GNAS: variants seen among roughly 807,000 people sequenced by gnomAD.
GNAS encodes the protein GNAS complex locus, also known as protein ALEX.
GNAS carries 8 observed loss-of-function variants against 54.5 expected under a neutral mutation model. The observed-to-expected ratio is 0.15, with a 90% confidence interval of 0.09 to 0.26. The LOEUF (loss-of-function observed/expected upper bound fraction) is 0.26, where lower values mean the gene tolerates loss of function less well. Ranked by LOEUF, GNAS falls within the 10% of genes least tolerant of loss-of-function variation. The pLI is 1.00. For synonymous variants in GNAS, 204 were observed against 191.4 expected, an observed-to-expected ratio of 1.07 and a Z score of -0.54; for missense variants, 170 against 529.8, an observed-to-expected ratio of 0.32 and a Z score of 6.67.
rs1378679682 is a variant in GNAS, at chr20:58,856,659, G to A, written c.43+15773G>A. ...TTTTTTCAGGCAGCTTTAGCTGGGG[G>A]CAAAGAGGCTTGTCAAAGGTAAGGT... On this transcript the variant is annotated intron_variant, in intron 1 of 12. Coordinates refer to the GNAS transcript ENST00000306090. This position sits in a 1 kb window ranked among gnomAD's most constrained non-coding sequence, Gnocchi z 4.2. The A allele has an allele frequency of 6.6e-6, 1 of 152,224 alleles. No individual in the cohort carries two copies. The allele number at this position is 152,224 out of a possible 1,614,324, so 9.4% of individuals were successfully genotyped here.
chr20:58,840,263 C>T, upstream of GNAS: 1 of 1,611,788 alleles, frequency 6.2e-7, no homozygotes, highest in South Asian at 1.1e-5. This position sits in a 1 kb window ranked among gnomAD's most constrained non-coding sequence, Gnocchi z 6.0. Flanking sequence ...CGCCCGTGCC[C>T]AGCAGCGCGC....
At position 58,909,024 on chromosome 20, in the gene GNAS, C is replaced by G. The variant is rs1217563946; in HGVS notation, c.531-138C>G. The stretch of plus-strand genomic sequence containing the variant: ...GTTACAAATGTAACCAACACACAAG[C>G]AAATGTGCCATTGACTTAGTGCTGC... On this transcript the variant is annotated intron_variant, in intron 6 of 12. Coordinates refer to ENST00000371085, the MANE Select transcript of GNAS (RefSeq NM_000516.7). This position sits in a 1 kb window ranked among gnomAD's most constrained non-coding sequence, Gnocchi z 7.3. The G allele has an allele frequency of 2.5e-6, 2 of 789,446 alleles. No individual in the cohort carries two copies. The highest frequency in any genetic ancestry group is 4.9e-5 in the East Asian group (2 of 41,214). The allele number at this position is 789,446 out of a possible 1,614,324, so 48.9% of individuals were successfully genotyped here.
intron 1 of GNAS, among the ~76,000 whole-genome samples, chr20:58,846,511 T>G (rs544980382): frequency 6.6e-6 from 1 of 152,270 alleles, no homozygotes; most frequent in African/African-American, 2.4e-5. Context: ...ATTGCTACAC[T>G]CAAAGAGAAA....
upstream of GNAS, among the ~76,000 whole-genome samples, chr20:58,887,199 G>C (rs1409616074): frequency 6.6e-6 from 1 of 152,152 alleles, no homozygotes; most frequent in Non-Finnish European, 1.5e-5. Context: ...TATCTAGGTT[G>C]TATTTGTTAC....
chr20:58,860,811 C>A (rs1272414099), intron 1 of GNAS, among the ~76,000 whole-genome samples: 2 of 152,104 alleles, frequency 1.3e-5, no homozygotes, highest in Non-Finnish European at 2.9e-5. Flanking sequence ...CAGACATGCA[C>A]CACCACACCT....
intron 3 of GNAS, among the ~76,000 whole-genome samples, chr20:58,901,043 A>G (rs1175495153): frequency 5.3e-5 from 8 of 152,228 alleles, no homozygotes. Flanking sequence ...GTTTCTGGAA[A>G]TACTTTCTCT....
At chr20:58,897,421 T>C (rs571712357) in intron 2 of GNAS, 51 of 152,350 alleles carry the variant, frequency 3.3e-4, no homozygotes, top group African/African-American at 1.0e-3. Flanking sequence ...TTTGACCATG[T>C]ATCCTCTAGA....
chr20:58,899,872 C>T (rs1247357465), intron 3 of GNAS: 8 of 711,156 alleles, frequency 1.1e-5, no homozygotes, highest in African/African-American at 1.8e-5. Context: ...CTTCTGTGGC[C>T]GGGGAGGGGA....
At chr20:58,890,020 G>A (rs973293679), upstream of GNAS, among the ~76,000 whole-genome samples, 14 of 151,734 alleles carry the variant, frequency 9.2e-5, no homozygotes, top group African/African-American at 2.6e-4. Context: ...CTCGCGCCGC[G>A]GAAGAGCGGG....
At chr20:58,869,371 T>G (rs2087283558) in intron 1 of GNAS, among the ~76,000 whole-genome samples, 1 of 152,232 alleles carries the variant, frequency 6.6e-6, no homozygotes, top group Admixed American at 6.5e-5. Context: ...GTATAGGAAA[T>G]CAAATGGTAG....
chr20:58,897,176 A>G (rs1037749368), intron 2 of GNAS, among the ~76,000 whole-genome samples: 1 of 152,242 alleles, frequency 6.6e-6, no homozygotes, highest in African/African-American at 2.4e-5. Flanking sequence ...ACATGCACAT[A>G]CGTGCTATTG....
chr20:58,910,012 G>A lies in GNAS; in HGVS notation c.901G>A (p.Val301Ile), dbSNP rs1005934621. The A allele has an allele frequency of 6.2e-7, 1 of 1,613,662 alleles. No homozygotes were observed. The highest frequency in any genetic ancestry group is 8.5e-7 in the Non-Finnish European group (1 of 1,179,538). Reference sequence around the variant, plus strand: ...CAAGCAAGATCTGCTCGCTGAGAAAGTCCTTGCTGGGAAATCGAAGATTGA... The same window carrying A: ...CAAGCAAGATCTGCTCGCTGAGAAAATCCTTGCTGGGAAATCGAAGATTGA... ...LNKQDLLAEK[V>I]LAGKSKIEDY... The change falls in exon 11 of 13, where the codon GTC (valine) becomes ATC (isoleucine). Residue 301 changes from valine (V) to isoleucine (I), a missense_variant. Physicochemically the swap from Val to Ile is conservative, Grantham distance 29 (BLOSUM62 3). This residue lies in a region of GNAS where 36 missense variants were observed against 223.0 expected (regional missense o/e 0.16). Coordinates refer to ENST00000371085, the MANE Select transcript of GNAS (RefSeq NM_000516.7). This position sits in a 1 kb window ranked among gnomAD's most constrained non-coding sequence, Gnocchi z 5.8.
At chr20:58,891,948 C>A in intron 1 of GNAS, 83 bp downstream of exon 1, 1 of 857,902 alleles carries the variant, frequency 1.2e-6, no homozygotes, top group Non-Finnish European at 1.4e-6. Flanking sequence ...AGCCCGCCCC[C>A]CGCCCCGGGC....
intron 1 of GNAS, among the ~76,000 whole-genome samples, chr20:58,858,122 A>G (rs1037756193): frequency 1.1e-4 from 16 of 152,216 alleles, no homozygotes; most frequent in African/African-American, 3.6e-4. Context: ...GAGAGGAGGA[A>G]GGATGAGGAC....
At chr20:58,840,615 GC>G, upstream of GNAS, 2 of 1,608,324 alleles carry the variant, frequency 1.2e-6, no homozygotes, top group Non-Finnish European at 8.5e-7. The surrounding 1 kb of genome is among the most constrained non-coding windows in gnomAD (Gnocchi z 6.0). Context: ...AAGTTGCGAA[GC>G]CCCGACGCCT....
At position 58,906,517 on chromosome 20, in the gene GNAS, TA is replaced by T. The variant is rs377603222; in HGVS notation, c.530+1043del. Among the ~76,000 whole-genome samples, 903 of 152,292 alleles carry T rather than the reference TA, an allele frequency of 5.9e-3. 19 individuals are homozygous for T. The highest frequency in any genetic ancestry group is 0.021 in the African/African-American group (866 of 41,552). On this transcript the variant is annotated intron_variant, in intron 6 of 12. Coordinates refer to ENST00000371085, the MANE Select transcript of GNAS (RefSeq NM_000516.7). ...CAAGCATGTGGTGGTCAGGGTTATT[TA>T]AAAAATATGTAAACATTATTATTAT...
rs980532920 is a variant in GNAS, at chr20:58,856,420, G to A, written c.43+15534G>A. The A allele has an allele frequency of 1.3e-5, 2 of 152,644 alleles. No homozygotes were observed. Among genetic ancestry groups the A allele is most frequent in the African/African-American group, 4.8e-5 (2 of 41,442 alleles). 9.5% of individuals were successfully genotyped at this position (152,644 alleles called of 1,614,324 possible). On this transcript the variant is annotated intron_variant, in intron 1 of 12. Coordinates refer to the GNAS transcript ENST00000306090. This position sits in a 1 kb window ranked among gnomAD's most constrained non-coding sequence, Gnocchi z 4.2. ...TTTTCTTCCTAGCGAAGAGCCCGAG[G>A]TAAGCCAATCATTTTTACAAAGAGT...
At position 58,910,492 on chromosome 20, in the gene GNAS, C is replaced by T; in HGVS notation, c.1038+91C>T. The T allele has an allele frequency of 8.5e-7, 1 of 1,177,668 alleles. No homozygotes were observed. Among genetic ancestry groups the T allele is most frequent in the South Asian group, 1.2e-5 (1 of 81,548 alleles). The allele number at this position is 1,177,668 out of a possible 1,614,324, so 73.0% of individuals were successfully genotyped here. Reference sequence around the variant, plus strand: ...CTTAATTCCAAATTCAGGGGTTCAGCTACCCAGTTCCATGGTTTTAGTTCA... The same window carrying T: ...CTTAATTCCAAATTCAGGGGTTCAGTTACCCAGTTCCATGGTTTTAGTTCA... On this transcript the variant is annotated intron_variant, in intron 12 of 12. Transcript: ENST00000371085. This position sits in a 1 kb window ranked among gnomAD's most constrained non-coding sequence, Gnocchi z 5.8.
chr20:58,889,168 G>T (rs1240370360), upstream of GNAS: 20 of 1,215,752 alleles, frequency 1.6e-5, no homozygotes, highest in Non-Finnish European at 2.1e-5. Flanking sequence ...CTGCTCCCCG[G>T]CGGGGACACT....
Sources: gnomAD v4.1 joint callset for allele counts (sites outside exome capture counted in the v4.1 genomes callset) on GRCh38, gnomAD v4.1.1 for gene constraint, gnomAD v4.1.1 regional missense constraint, Gnocchi (gnomAD v3.1) non-coding constraint, MANE v1.5 for transcripts, NCBI Gene and HGNC (gene_info 2026-07-23, HGNC 2026-07-21) for gene names.